Variants in MCU observed in about 807,000 individuals in gnomAD.
The protein encoded by MCU is mitochondrial calcium uniporter.
A neutral mutation model predicts 45.2 loss-of-function variants in MCU; 12 were observed. That is an observed-to-expected ratio of 0.27 (90% CI 0.17 to 0.43). The LOEUF is 0.43. Among genes scored for constraint, MCU ranks in the 20% least tolerant of loss-of-function variants. The probability of loss-of-function intolerance (pLI) is 1.00; values close to 1 mark genes in which losing one functional copy is unlikely to be tolerated. For missense variants in MCU, 324 were observed against 436.7 expected (o/e 0.74, Z 2.30); for synonymous variants, 160 against 165.1 (o/e 0.97, Z 0.24).
intron 6 of MCU, among the ~76,000 whole-genome samples, chr10:72,882,553 G>A (rs753673950): frequency 5.1e-4 from 77 of 152,142 alleles, no homozygotes; most frequent in African/African-American, 1.4e-3. Context: ...AATAAACCCC[G>A]GTCTCCCATA....
At chr10:72,845,464 A>G (rs1385254975) in intron 2 of MCU, among the ~76,000 whole-genome samples, 1 of 152,180 alleles carries the variant, frequency 6.6e-6, no homozygotes, top group African/African-American at 2.4e-5. Context: ...ACAATGGGCC[A>G]CATATGTGAT....
At chr10:72,753,682 C>T (rs1843533446) in intron 1 of MCU, among the ~76,000 whole-genome samples, 1 of 152,086 alleles carries the variant, frequency 6.6e-6, no homozygotes, top group South Asian at 2.1e-4. Flanking sequence ...TGAGACCAAC[C>T]TGGGCAACAT....
chr10:72,743,463 T>A (rs533559813), intron 1 of MCU, among the ~76,000 whole-genome samples: 1 of 149,258 alleles, frequency 6.7e-6, no homozygotes, highest in Non-Finnish European at 1.5e-5. Flanking sequence ...TATATCTTTA[T>A]GGGGGGGAGA....
At chr10:72,710,910 G>A (rs1454795497) in intron 1 of MCU, among the ~76,000 whole-genome samples, 1 of 152,030 alleles carries the variant, frequency 6.6e-6, no homozygotes, top group Non-Finnish European at 1.5e-5. Context: ...GGGCGCAGTG[G>A]CTCATGCCTG....
intron 1 of MCU, among the ~76,000 whole-genome samples, chr10:72,815,233 G>C (rs1399576521): frequency 6.6e-6 from 1 of 152,230 alleles, no homozygotes; most frequent in African/African-American, 2.4e-5. Context: ...ATATGGCTGT[G>C]TTGTAGTAAA....
chr10:72,710,993 C>T (rs1842885862), intron 1 of MCU, among the ~76,000 whole-genome samples: 6 of 152,060 alleles, frequency 3.9e-5, no homozygotes, highest in African/African-American at 1.4e-4. Flanking sequence ...GCCTGGCCAA[C>T]ATCATGAAAC....
intron 1 of MCU, among the ~76,000 whole-genome samples, chr10:72,716,650 G>A (rs573798071): frequency 4.6e-5 from 7 of 152,050 alleles, no homozygotes; most frequent in East Asian, 1.9e-4. Context: ...TTGGGAGGCC[G>A]AGGTGTGAGG....
intron 1 of MCU, among the ~76,000 whole-genome samples, chr10:72,753,752 G>A (rs957616421): frequency 6.6e-6 from 1 of 151,928 alleles, no homozygotes; most frequent in South Asian, 2.1e-4. Flanking sequence ...GGTGGCATGC[G>A]CTTCTGGACC....
chr10:72,710,543 GT>G (rs555887994), intron 1 of MCU, among the ~76,000 whole-genome samples: 871 of 84,298 alleles, frequency 0.01, 3 homozygotes, highest in African/African-American at 0.019. Flanking sequence ...ATCACCTAAG[GT>G]TTTTTTTTTT....
At chr10:72,866,032 C>A in intron 4 of MCU, among the ~76,000 whole-genome samples, 1 of 152,156 alleles carries the variant, frequency 6.6e-6, no homozygotes, top group East Asian at 1.9e-4. Context: ...CCTCCTTGGC[C>A]TCCCAAAGTG....
At chr10:72,852,126 T>C (rs1845216346) in intron 2 of MCU, among the ~76,000 whole-genome samples, 1 of 152,238 alleles carries the variant, frequency 6.6e-6, no homozygotes, top group Non-Finnish European at 1.5e-5. Flanking sequence ...GATAATTTAA[T>C]CACTAATCTT....
chr10:72,695,298 A>G (rs1341816935), intron 1 of MCU, among the ~76,000 whole-genome samples: 1 of 152,202 alleles, frequency 6.6e-6, no homozygotes, highest in African/African-American at 2.4e-5. Context: ...TACACATCAC[A>G]GTTCTTTTGG....
chr10:72,692,363 C>G (rs1316132010), intron 1 of MCU, 62 bp downstream of exon 1: 40 of 1,148,090 alleles, frequency 3.5e-5, no homozygotes, highest in Non-Finnish European at 4.2e-5. Flanking sequence ...TGGGAGCCGC[C>G]GGCGGGCAGG....
At chr10:72,733,450 C>G (rs1028573135) in intron 1 of MCU, among the ~76,000 whole-genome samples, 4 of 152,078 alleles carry the variant, frequency 2.6e-5, no homozygotes, top group Non-Finnish European at 5.9e-5. Flanking sequence ...GGGTGAGAAT[C>G]TGTCTCAAAA....
chr10:72,740,728 G>A (rs1332671479), intron 1 of MCU, among the ~76,000 whole-genome samples: 1 of 152,228 alleles, frequency 6.6e-6, no homozygotes, highest in Non-Finnish European at 1.5e-5. Context: ...CAGGTGCTAT[G>A]AGTCATTTGC....
At chr10:72,805,162 TC>T (rs1292425459) in intron 1 of MCU, among the ~76,000 whole-genome samples, 49 of 136,162 alleles carry the variant, frequency 3.6e-4, no homozygotes, top group African/African-American at 1.5e-3. Flanking sequence ...TTTCTTTCTG[TC>T]TCTCTCTCTC....
intron 1 of MCU, among the ~76,000 whole-genome samples, chr10:72,785,139 A>G (rs1438082739): frequency 1.3e-5 from 2 of 152,168 alleles, no homozygotes; most frequent in Non-Finnish European, 2.9e-5. Context: ...ATTTCCACAT[A>G]TATTACACAG....
At chr10:72,692,406 C>T (rs1842634265) in intron 1 of MCU, 105 bp downstream of exon 1, 2 of 996,530 alleles carry the variant, frequency 2.0e-6, no homozygotes, top group Non-Finnish European at 1.2e-6. Flanking sequence ...ACCTCAACTC[C>T]CGGCCGCTCC....
chr10:72,692,582 C>T (rs938120702), intron 1 of MCU: 11 of 1,097,246 alleles, frequency 1.0e-5, no homozygotes, highest in African/African-American at 6.6e-5. Context: ...GGACTTGAAC[C>T]TCTCCCCGAC....
Sources: allele counts gnomAD v4.1 joint callset (sites outside exome capture counted in the v4.1 genomes callset), GRCh38; gene constraint gnomAD v4.1.1; transcripts MANE v1.5; gene names NCBI Gene and HGNC (gene_info 2026-07-23, HGNC 2026-07-21).